AADAC: variants seen among roughly 807,000 people sequenced by gnomAD.
AADAC encodes the protein arylacetamide deacetylase, also known as arylacetamide deacetylase (esterase).
In AADAC, 17 loss-of-function variants were observed where a neutral mutation model predicts 22.7. That is an observed-to-expected ratio of 0.75 (90% CI 0.51 to 1.12). The LOEUF (loss-of-function observed/expected upper bound fraction) is 1.12. AADAC is among the 50% of genes most tolerant of loss of function. The pLI is 0.00. For missense variants in AADAC, 465 were observed against 473.9 expected (o/e 0.98, Z 0.17); for synonymous variants, 167 against 176.3 (o/e 0.95, Z 0.42).
chr3:151,817,889 G>A (rs1490313772), intron 2 of AADAC, among the ~76,000 whole-genome samples: 1 of 151,772 alleles, frequency 6.6e-6, no homozygotes, highest in African/African-American at 2.4e-5. Flanking sequence ...ACCATTTAAT[G>A]TTTTCATCCA....
chr3:151,825,455 G>T (rs1546687), intron 4 of AADAC, among the ~76,000 whole-genome samples: 75,143 of 151,466 alleles, frequency 0.5, 19,034 homozygotes, highest in Middle Eastern at 0.54. Flanking sequence ...AGGTGAATGA[G>T]ATCATGTAAT....
chr3:151,819,198 T>C (rs929565260), intron 2 of AADAC, among the ~76,000 whole-genome samples: 3 of 151,744 alleles, frequency 2.0e-5, no homozygotes, highest in African/African-American at 7.3e-5. Context: ...AACAAAATTG[T>C]TGGGTGAAGG....
In AADAC at chr3:151,817,469, T is replaced by A; in HGVS notation, c.242T>A (p.Val81Glu). The A allele has an allele frequency of 6.2e-7, 1 of 1,613,794 alleles. No homozygotes were observed. The highest frequency in any genetic ancestry group is 8.5e-7 in the Non-Finnish European group (1 of 1,179,734). Residue 81 changes from valine to glutamate, a missense_variant, in exon 2 of 5, where the codon GTG becomes GAG. Coordinates refer to ENST00000232892, the MANE Select transcript of AADAC (RefSeq NM_001086.3). Reference protein sequence around the residue: ...VPPTSDENVTVTETKFNNILV... With the variant: ...VPPTSDENVTETETKFNNILV... Reference sequence around the variant, plus strand: ...CCAACCTCAGATGAAAATGTCACTGTGACTGAGACAAAATTCAACAACATT... The same window carrying A: ...CCAACCTCAGATGAAAATGTCACTGAGACTGAGACAAAATTCAACAACATT...
At chr3:151,820,854 C>A (rs1042096774) in intron 3 of AADAC, among the ~76,000 whole-genome samples, 23 of 148,970 alleles carry the variant, frequency 1.5e-4, no homozygotes, top group African/African-American at 4.7e-4. Flanking sequence ...CATGATCATG[C>A]CAAAAATAAA....
In AADAC at chr3:151,827,584, T is replaced by A; in HGVS notation, c.612T>A (p.Asp204Glu). 6.5e-7 allele frequency: 1 copy of A among 1,548,726 alleles called. No individual in the cohort carries two copies. Among genetic ancestry groups the A allele is most frequent in the Non-Finnish European group, 8.7e-7 (1 of 1,147,702 alleles). The change falls in exon 5 of 5, where the codon GAT (aspartate) becomes GAA (glutamate). Residue 204 changes from aspartate to glutamate, a missense_variant. Physicochemically the swap from Asp to Glu is conservative, Grantham distance 45. Coordinates refer to ENST00000232892, the MANE Select transcript of AADAC (RefSeq NM_001086.3). ...ATCATCTTGCTTCTCAGCTCCTTGATGACCCAGATGTCAAGATCAAACTCA... is the reference window on the plus strand; with the variant it reads ...ATCATCTTGCTTCTCAGCTCCTTGAAGACCCAGATGTCAAGATCAAACTCA... ...LAAAVTQQLL[D>E]DPDVKIKLKI...
At position 151,824,748 on chromosome 3, in the gene AADAC, C is replaced by T; in HGVS notation, c.517C>T (p.Leu173Phe). ...AAGGTGGTTCTTACGTAAAAAAGTT[C>T]TTGCAAAATATGGTGTGAACCCTGA... Reference protein sequence around the residue: ...ALRWFLRKKVLAKYGVNPERI... With the variant: ...ALRWFLRKKVFAKYGVNPERI... The change falls in exon 4 of 5, where the codon CTT becomes TTT. Residue 173 changes from leucine (L) to phenylalanine (F), a missense_variant. Physicochemically the swap from Leu to Phe is conservative, Grantham distance 22 (BLOSUM62 0). Transcript: ENST00000232892. The T allele has an allele frequency of 6.2e-7, 1 of 1,608,496 alleles. No homozygotes were observed. Among genetic ancestry groups the T allele is most frequent in the East Asian group, 2.2e-5 (1 of 44,690 alleles).
At chr3:151,821,307 A>T (rs966167431) in intron 3 of AADAC, among the ~76,000 whole-genome samples, 9 of 152,052 alleles carry the variant, frequency 5.9e-5, no homozygotes, top group African/African-American at 2.2e-4. Context: ...TAAGTATATT[A>T]AAAATGTATT....
Position 151,824,687 on chromosome 3 carries a change from T to C in AADAC, c.456T>C (p.His152=). The change falls in exon 4 of 5, where the codon CAT becomes CAC. Residue 152 remains histidine (H), a synonymous_variant. Transcript: ENST00000232892. ...GCTACAGATTAGCACCTAAGTATCA[T>C]TTCCCAATTCAATTTGAAGATGTAT... ...STNYRLAPKY[H]FPIQFEDVYN... is the part of the protein sequence containing the mutation. 6.3e-7 allele frequency: 1 copy of C among 1,584,648 alleles called. No homozygotes were observed. Among genetic ancestry groups the C allele is most frequent in the Non-Finnish European group, 8.6e-7 (1 of 1,167,862 alleles).
chr3:151,815,421 T>C (rs1296882334), intron 1 of AADAC, among the ~76,000 whole-genome samples: 1 of 152,004 alleles, frequency 6.6e-6, no homozygotes, highest in Non-Finnish European at 1.5e-5. Flanking sequence ...TGCAATTAGT[T>C]TGGAGAGGTT....
intron 2 of AADAC, among the ~76,000 whole-genome samples, chr3:151,819,900 C>T (rs990434409): frequency 2.0e-5 from 3 of 152,032 alleles, no homozygotes; most frequent in African/African-American, 7.2e-5. Flanking sequence ...TTCTATTCCA[C>T]TTATATTCAG....
intron 4 of AADAC, among the ~76,000 whole-genome samples, chr3:151,825,275 C>T (rs188010223): frequency 2.2e-4 from 34 of 151,628 alleles, no homozygotes; most frequent in African/African-American, 6.8e-4. Flanking sequence ...TCCTAGCTAC[C>T]TAGGAGGCTG....
At position 151,817,575 on chromosome 3, in the gene AADAC, C is replaced by A. The variant is rs772114654; in HGVS notation, c.348C>A (p.Cys116Ter). ...GLFYIHGGGW[C>*]VGSAALSGYD... is the part of the protein sequence containing the mutation. The stretch of plus-strand genomic sequence containing the variant: ...TTTACATCCATGGTGGAGGCTGGTG[C>A]GTGGGAAGTGCTGGTAAGTGAATGC... Residue 116 changes from cysteine (C) to a stop codon, truncating the protein, a stop_gained, in exon 2 of 5, where the codon TGC (cysteine) becomes TGA (stop). Coordinates refer to ENST00000232892, the MANE Select transcript of AADAC (RefSeq NM_001086.3). LOFTEE classifies it high-confidence loss of function. The A allele has an allele frequency of 2.1e-5, 34 of 1,613,082 alleles. No individual in the cohort carries two copies. Among genetic ancestry groups the A allele is most frequent in the Non-Finnish European group, 2.7e-5 (32 of 1,179,360 alleles).
intron 2 of AADAC, 116 bp downstream of exon 2, chr3:151,817,704 C>T (rs1716052921): frequency 4.4e-6 from 4 of 903,224 alleles, no homozygotes; most frequent in South Asian, 1.7e-5. Context: ...TTTATCTTCT[C>T]GTGCTTTGTT....
In AADAC at chr3:151,817,380, G is replaced by A. The variant is rs139594209; in HGVS notation, c.153G>A (p.Glu51=). ...KTIQNLATFV[E]LLGLHHFMDS... is the part of the protein sequence containing the mutation. ...TTCATTTTTAGGCTACATTTGTGGA[G>A]CTCCTGGGACTTCACCATTTTATGG... Residue 51 remains glutamate (E), a synonymous_variant, in exon 2 of 5, where the codon GAG becomes GAA. Transcript: ENST00000232892. 1.5e-5 allele frequency: 24 copies of A among 1,612,934 alleles called. No homozygotes were observed. The African/African-American group carries it at 3.1e-4, about 21-fold the overall frequency.
At position 151,827,823 on chromosome 3, in the gene AADAC, G is replaced by T. The variant is rs138006759; in HGVS notation, c.851G>T (p.Ser284Ile). ...CATCTCTTCAAATTTGTTAATTGGAGTTCCCTGCTCCCTGAGAGGTTTATA... is the reference window on the plus strand; with the variant it reads ...CATCTCTTCAAATTTGTTAATTGGATTTCCCTGCTCCCTGAGAGGTTTATA... ...SSHLFKFVNW[S>I]SLLPERFIKG... Residue 284 changes from serine (S) to isoleucine (I), a missense_variant, in exon 5 of 5, where the codon AGT (serine) becomes ATT (isoleucine). By Grantham distance (142) the Ser-to-Ile change is moderately radical. Transcript: ENST00000232892. 94 of 1,613,116 alleles carry T rather than the reference G, an allele frequency of 5.8e-5. No individual in the cohort carries two copies. In the African/African-American group the frequency reaches 1.1e-3, roughly 19 times the overall value.
chr3:151,827,036 T>C (rs1363182821), intron 4 of AADAC, among the ~76,000 whole-genome samples: 4 of 151,928 alleles, frequency 2.6e-5, no homozygotes, highest in African/African-American at 9.7e-5. Flanking sequence ...TGTCTTAGCC[T>C]CCTGAGTAGC....
chr3:151,822,980 G>T (rs1325195776), intron 3 of AADAC, among the ~76,000 whole-genome samples: 1 of 151,778 alleles, frequency 6.6e-6, no homozygotes, highest in Non-Finnish European at 1.5e-5. Context: ...TCAGTAAAAT[G>T]GTTATATTAA....
Position 151,827,694 on chromosome 3 carries a change from T to C in AADAC, c.722T>C (p.Leu241Pro), listed in dbSNP as rs1300745843. Residue 241 changes from leucine (L) to proline (P), a missense_variant, in exon 5 of 5, where the codon CTA becomes CCA. Coordinates refer to ENST00000232892, the MANE Select transcript of AADAC (RefSeq NM_001086.3). ...SYQENSNFLF[L>P]SKSLMVRFWS... ...CAAGAAAATTCAAATTTTCTATTTC[T>C]ATCCAAATCACTCATGGTCAGATTC... The C allele has an allele frequency of 6.2e-7, 1 of 1,612,958 alleles. No individual in the cohort carries two copies. Among genetic ancestry groups the C allele is most frequent in the South Asian group, 1.1e-5 (1 of 91,040 alleles).
intron 4 of AADAC, 82 bp downstream of exon 4, chr3:151,824,916 T>C (rs1716413619): frequency 8.8e-7 from 1 of 1,131,598 alleles, no homozygotes; most frequent in South Asian, 2.9e-5. Flanking sequence ...ATTGAATGCA[T>C]GTATTAAAAT....
Sources: allele counts gnomAD v4.1 joint callset (sites outside exome capture counted in the v4.1 genomes callset), GRCh38; gene constraint gnomAD v4.1.1; transcripts MANE v1.5; gene names NCBI Gene and HGNC (gene_info 2026-07-23, HGNC 2026-07-21).